Variants in CSDE1 observed in about 807,000 individuals in gnomAD.
The protein encoded by CSDE1 is cold shock domain-containing protein E1.
A neutral mutation model predicts 89.3 loss-of-function variants in CSDE1; 17 were observed. The ratio of observed to expected loss-of-function variants is 0.19; its 90% confidence interval spans 0.13 to 0.29. The LOEUF (loss-of-function observed/expected upper bound fraction) is 0.29. Ranked by LOEUF, CSDE1 falls within the 10% of genes least tolerant of loss-of-function variation. The pLI is 1.00. For synonymous variants in CSDE1, 322 were observed against 332.8 expected (o/e 0.97, Z 0.35); for missense variants, 672 against 984.2 (o/e 0.68, Z 4.24).
chr1:114,725,226 T>A lies in CSDE1; in HGVS notation c.1748A>T (p.His583Leu), dbSNP rs767317321. 1.9e-6 allele frequency: 3 copies of A among 1,613,244 alleles called. No homozygotes were observed. Among genetic ancestry groups the A allele is most frequent in the Non-Finnish European group, 2.5e-6 (3 of 1,179,266 alleles). Residue 583 changes from histidine to leucine, a missense_variant, in exon 15 of 20, where the codon CAC (histidine) becomes CTC (leucine). By Grantham distance (99) the His-to-Leu change is moderately conservative. Coordinates refer to ENST00000358528, the MANE Select transcript of CSDE1 (RefSeq NM_001007553.3). ...AAGAAGTCACAATTTATTACCTGAG[T>A]GTGTTTTGTTCACTTTTTCTGCACT... is the stretch of plus-strand genomic sequence containing the variant. Reference protein sequence around the residue: ...KVSAEKVNKTHSVNGITEEAD... With the variant: ...KVSAEKVNKTLSVNGITEEAD...
intron 7 of CSDE1, 39 bp from the exon 8 acceptor site, chr1:114,734,156 CTG>C: frequency 2.5e-6 from 4 of 1,586,624 alleles, no homozygotes; most frequent in Non-Finnish European, 3.4e-6. Flanking sequence ...TATTACCACT[CTG>C]TACAAATTTA....
intron 6 of CSDE1, among the ~76,000 whole-genome samples, chr1:114,736,350 GA>G (rs1660400573): frequency 6.6e-6 from 1 of 152,176 alleles, no homozygotes; most frequent in African/African-American, 2.4e-5. Flanking sequence ...TTCCTACATA[GA>G]AGAATGCTCA....
At position 114,723,930 on chromosome 1, in the gene CSDE1, T is replaced by G; in HGVS notation, c.1826A>C (p.Asp609Ala). 1.2e-6 allele frequency: 2 copies of G among 1,614,054 alleles called. No homozygotes were observed. The highest frequency in any genetic ancestry group is 2.2e-5 in the South Asian group (2 of 91,084). Reference sequence around the variant, plus strand: ...TCCTTGGTACTCAGTCTGTGTTGGATCAACACTCCTCAGGGGGCGAATTAC... The same window carrying G: ...TCCTTGGTACTCAGTCTGTGTTGGAGCAACACTCCTCAGGGGGCGAATTAC... ...GKVIRPLRSV[D>A]PTQTEYQGMI... Residue 609 changes from aspartate to alanine, a missense_variant, in exon 16 of 20, where the codon GAT (aspartate) becomes GCT (alanine). Around this residue, in one of 8 missense-constraint regions of CSDE1, gnomAD observed 206 missense variants for 332.4 expected, o/e 0.62. Transcript: ENST00000358528.
At chr1:114,754,223 C>T (rs973969501) in intron 1 of CSDE1, among the ~76,000 whole-genome samples, 1 of 152,030 alleles carries the variant, frequency 6.6e-6, no homozygotes, top group African/African-American at 2.4e-5. Context: ...GAACTCCTGA[C>T]CTCAAGTGAC....
At chr1:114,757,844 C>T (rs566629479) in intron 1 of CSDE1, 81 bp downstream of exon 1, 1 of 152,732 alleles carries the variant, frequency 6.5e-6, no homozygotes, top group African/African-American at 2.4e-5. Flanking sequence ...ACTCAGAAGG[C>T]TTCTCGTTAG....
chr1:114,730,472 A>G (rs1453697884), intron 11 of CSDE1, 36 bp downstream of exon 11: 2 of 1,611,924 alleles, frequency 1.2e-6, no homozygotes, highest in Admixed American at 3.4e-5. Flanking sequence ...GAAAGCATCA[A>G]GAAACACCTC....
At chr1:114,722,958 T>C (rs2101014860) in intron 16 of CSDE1, among the ~76,000 whole-genome samples, 1 of 152,374 alleles carries the variant, frequency 6.6e-6, no homozygotes, top group South Asian at 2.1e-4. Flanking sequence ...GACTCTTAGA[T>C]GATGCAAGGA....
At chr1:114,734,591 T>C (rs913458093) in intron 6 of CSDE1, 68 bp from the exon 7 acceptor site, 2 of 1,261,392 alleles carry the variant, frequency 1.6e-6, no homozygotes, top group Non-Finnish European at 2.3e-6. Context: ...CCTGCTTAGA[T>C]ATGAGTCTAA....
intron 2 of CSDE1, among the ~76,000 whole-genome samples, chr1:114,740,982 C>CGATATGTGTGATGGTCAA (rs1553248610): frequency 1.2e-4 from 18 of 152,146 alleles, no homozygotes; most frequent in African/African-American, 4.3e-4. Context: ...TTTGAGTCAA[C>CGATATGTGTGATGGTCAA]GATATGTGTG....
chr1:114,744,203 G>A (rs1199684814), intron 2 of CSDE1, among the ~76,000 whole-genome samples: 1 of 152,070 alleles, frequency 6.6e-6, no homozygotes, highest in Non-Finnish European at 1.5e-5. Context: ...CTTTAAATAG[G>A]GGGGAAAAAA....
chr1:114,719,556 C>A, intron 18 of CSDE1, 23 bp downstream of exon 18: 1 of 1,607,486 alleles, frequency 6.2e-7, no homozygotes, highest in South Asian at 1.1e-5. Flanking sequence ...AGTTACTAAT[C>A]AAACCACAAC....
intron 10 of CSDE1, 143 bp downstream of exon 10, chr1:114,732,461 T>G (rs1660156129): frequency 2.3e-5 from 17 of 730,564 alleles, no homozygotes; most frequent in South Asian, 1.3e-4. Flanking sequence ...GACTCAAATG[T>G]GTATGATTCT....
At chr1:114,744,239 C>G (rs1327799176) in intron 2 of CSDE1, among the ~76,000 whole-genome samples, 3 of 152,108 alleles carry the variant, frequency 2.0e-5, no homozygotes, top group Non-Finnish European at 4.4e-5. Flanking sequence ...GCTTGCCTAA[C>G]AGCATGTAAA....
intron 18 of CSDE1, chr1:114,719,015 C>A: frequency 2.7e-6 from 1 of 372,594 alleles, no homozygotes; most frequent in Non-Finnish European, 4.9e-6. Flanking sequence ...TCCACAGATG[C>A]ATAAAAAAAC....
chr1:114,726,385 A>G lies in CSDE1; in HGVS notation c.1466T>C (p.Val489Ala), dbSNP rs1346049589. 3.7e-6 allele frequency: 6 copies of G among 1,603,676 alleles called. No homozygotes were observed. The highest frequency in any genetic ancestry group is 5.1e-6 in the Non-Finnish European group (6 of 1,175,864). The change falls in exon 14 of 20, where the codon GTT (valine) becomes GCT (alanine). Residue 489 changes from valine (V) to alanine (A), a missense_variant and splice_region_variant. Physicochemically the swap from Val to Ala is moderately conservative, Grantham distance 64. This residue lies in a region of CSDE1 where 108 missense variants were observed against 105.0 expected (regional missense o/e 1.03). Transcript: ENST00000358528. ...GSTSPQIGDKVEFSISDKQRP... is the reference protein window; with the variant it reads ...GSTSPQIGDKAEFSISDKQRP... ...CTGTTTGTCACTAATACTAAATTCA[A>G]CCTGTGAAAATTAAGGATGCTCATT...
At chr1:114,747,633 G>A (rs183395270) in intron 2 of CSDE1, among the ~76,000 whole-genome samples, 401 of 152,292 alleles carry the variant, frequency 2.6e-3, no homozygotes, top group South Asian at 9.5e-3. Context: ...GCCGAGGCGG[G>A]TGGATCACAA....
intron 2 of CSDE1, chr1:114,741,649 T>C: frequency 6.5e-7 from 1 of 1,545,464 alleles, no homozygotes. Context: ...GATGACACAG[T>C]AAAAACGTTC....
chr1:114,737,962 C>T lies in CSDE1; in HGVS notation c.309+1G>A. The T allele has an allele frequency of 6.2e-7, 1 of 1,600,546 alleles. No homozygotes were observed. Among genetic ancestry groups the T allele is most frequent in the Non-Finnish European group, 8.6e-7 (1 of 1,167,640 alleles). ...AAACACAAAGCATCAAAGTCACTAACTTGTCCATTCATTCGTTCTTCAGGG... is the reference window on the plus strand; with the variant it reads ...AAACACAAAGCATCAAAGTCACTAATTTGTCCATTCATTCGTTCTTCAGGG... On this transcript the variant is annotated splice_donor_variant, in intron 4 of 19. Transcript: ENST00000358528. LOFTEE classifies it high-confidence loss of function.
At chr1:114,721,788 G>A (rs1454856195) in intron 16 of CSDE1, among the ~76,000 whole-genome samples, 1 of 151,912 alleles carries the variant, frequency 6.6e-6, no homozygotes, top group Non-Finnish European at 1.5e-5. Flanking sequence ...GTTTTGCCAT[G>A]TTGCCCAGGC....
Sources: allele counts gnomAD v4.1 joint callset (sites outside exome capture counted in the v4.1 genomes callset), GRCh38; gene constraint gnomAD v4.1.1; regional missense constraint gnomAD v4.1.1; transcripts MANE v1.5; gene names NCBI Gene and HGNC (gene_info 2026-07-23, HGNC 2026-07-21).